WDFY4: variants seen among roughly 807,000 people sequenced by gnomAD.
The protein encoded by WDFY4 is WD repeat- and FYVE domain-containing protein 4.
WDFY4 carries 169 observed loss-of-function variants against 351.9 expected under a neutral mutation model. That is an observed-to-expected ratio of 0.48 (90% confidence interval 0.42 to 0.55). The LOEUF (loss-of-function observed/expected upper bound fraction) is 0.55. Among genes scored for constraint, WDFY4 ranks in the 20% least tolerant of loss-of-function variants. The pLI, the probability that WDFY4 is intolerant of heterozygous loss-of-function variation, is 0.00. For synonymous variants in WDFY4, 1,622 were observed against 1,574.6 expected (o/e 1.03, Z -0.71); for missense variants, 3,803 against 3,935.6 (o/e 0.97, Z 0.90).
intron 1 of WDFY4, among the ~76,000 whole-genome samples, chr10:48,703,804 T>C (rs1008106104): frequency 2.0e-5 from 3 of 152,212 alleles, no homozygotes; most frequent in African/African-American, 2.4e-5. Context: ...TTACCCTTCA[T>C]TGGGGCCGCT....
intron 24 of WDFY4, among the ~76,000 whole-genome samples, chr10:48,801,202 C>A (rs1301827038): frequency 2.0e-5 from 3 of 152,170 alleles, no homozygotes; most frequent in Admixed American, 1.3e-4. Context: ...GAATAACAAT[C>A]AAAAGATTCA....
At chr10:48,925,730 A>G (rs1161827888) in intron 47 of WDFY4, among the ~76,000 whole-genome samples, 2 of 152,144 alleles carry the variant, frequency 1.3e-5, no homozygotes, top group Non-Finnish European at 2.9e-5. Context: ...GGAGAGATGC[A>G]GAAGCAGGGG....
Position 48,731,294 on chromosome 10 carries a change from C to A in WDFY4, c.1314C>A (p.Pro438=), listed in dbSNP as rs535669602. 1 of 1,551,796 alleles carries A rather than the reference C, an allele frequency of 6.4e-7. No individual in the cohort carries two copies. The highest frequency in any genetic ancestry group is 8.7e-7 in the Non-Finnish European group (1 of 1,147,044). ...TCTCGCAGTTTGTAGAGATCATGCC[C>A]CTGAAGCCGGCCCCAGTGCAGGAAC... is the stretch of plus-strand genomic sequence containing the variant. ...QPISQFVEIM[P]LKPAPVQEHF... Residue 438 remains proline, a synonymous_variant, in exon 9 of 62, where the codon CCC becomes CCA. Coordinates refer to ENST00000325239, the MANE Select transcript of WDFY4 (RefSeq NM_001394531.1).
At chr10:48,736,422 C>T (rs1589487466) in intron 11 of WDFY4, among the ~76,000 whole-genome samples, 1 of 152,206 alleles carries the variant, frequency 6.6e-6, no homozygotes, top group Admixed American at 6.5e-5. Context: ...TATTTTCTGT[C>T]CAATTTTCTT....
At chr10:48,877,245 G>T in intron 43 of WDFY4, 46 bp downstream of exon 43, 2 of 1,516,412 alleles carry the variant, frequency 1.3e-6, no homozygotes, top group East Asian at 2.5e-5. Flanking sequence ...TAAGTTAGTT[G>T]TTAAGATTGT....
intron 43 of WDFY4, among the ~76,000 whole-genome samples, chr10:48,882,664 A>G (rs753161906): frequency 7.2e-5 from 11 of 152,188 alleles, no homozygotes; most frequent in African/African-American, 2.7e-4. Flanking sequence ...AGCGCATCAC[A>G]TAGTGAGAGA....
At chr10:48,929,946 C>T (rs1839889580) in intron 47 of WDFY4, among the ~76,000 whole-genome samples, 1 of 152,130 alleles carries the variant, frequency 6.6e-6, no homozygotes, top group African/African-American at 2.4e-5. Context: ...ACTTCTCCTC[C>T]AATAGCATCT....
At chr10:48,811,729 C>A in intron 30 of WDFY4, 21 bp downstream of exon 30, 1 of 1,548,456 alleles carries the variant, frequency 6.5e-7, no homozygotes, top group Non-Finnish European at 8.7e-7. Flanking sequence ...AGAGCACCCA[C>A]AGGGTGACAC....
At chr10:48,817,503 A>G in intron 32 of WDFY4, 94 bp downstream of exon 32, 1 of 1,380,066 alleles carries the variant, frequency 7.2e-7, no homozygotes, top group South Asian at 1.5e-5. Flanking sequence ...CCCCCCTAAA[A>G]TTAAAATACA....
At chr10:48,734,370 G>A (rs7095786) in intron 10 of WDFY4, among the ~76,000 whole-genome samples, 84,488 of 151,360 alleles carry the variant, frequency 0.56, 23,692 homozygotes, top group East Asian at 0.64. Context: ...TAGATCCAAA[G>A]AGTAACATAC....
Position 48,831,770 on chromosome 10 carries a change from C to T in WDFY4, c.6527-803C>T, listed in dbSNP as rs138088541. Among the ~76,000 whole-genome samples the T allele has an allele frequency of 2.5e-3, 381 of 152,338 alleles. 4 individuals are homozygous for T. The highest frequency in any genetic ancestry group is 3.6e-3 in the Non-Finnish European group (245 of 68,016). The stretch of plus-strand genomic sequence containing the variant: ...TGCTGAGGGCTGTGTCTGGCATCTG[C>T]TTCTAAGATGGTACCTTGTTGCTAT... On this transcript the variant is annotated intron_variant, in intron 38 of 61. Transcript: ENST00000325239.
intron 39 of WDFY4, among the ~76,000 whole-genome samples, chr10:48,851,187 A>G (rs1247290154): frequency 6.6e-6 from 1 of 152,224 alleles, no homozygotes; most frequent in Non-Finnish European, 1.5e-5. Flanking sequence ...ATCTAGGGTC[A>G]GGATGGTGTC....
intron 14 of WDFY4, among the ~76,000 whole-genome samples, chr10:48,775,419 T>A (rs1304429475): frequency 1.3e-5 from 2 of 152,230 alleles, no homozygotes. Flanking sequence ...CTGGTTATAG[T>A]GCTGCATGGG....
chr10:48,767,559 T>C (rs1354115050), intron 13 of WDFY4, among the ~76,000 whole-genome samples: 1 of 152,202 alleles, frequency 6.6e-6, no homozygotes. Context: ...TTATCAGTGA[T>C]CTAAGAGAAG....
At chr10:48,863,509 G>A (rs1218877268) in intron 39 of WDFY4, among the ~76,000 whole-genome samples, 2 of 152,096 alleles carry the variant, frequency 1.3e-5, no homozygotes, top group African/African-American at 2.4e-5. Flanking sequence ...TTGAAGAGCA[G>A]TCTTTTTGGA....
intron 13 of WDFY4, among the ~76,000 whole-genome samples, chr10:48,770,940 G>A (rs575750355): frequency 1.3e-5 from 2 of 152,350 alleles, no homozygotes; most frequent in East Asian, 1.9e-4. Context: ...GCAAAATGCA[G>A]CCTGGGAAGG....
chr10:48,887,605 C>T (rs2070515449), intron 43 of WDFY4, among the ~76,000 whole-genome samples: 1 of 152,068 alleles, frequency 6.6e-6, no homozygotes, highest in South Asian at 2.1e-4. Context: ...GGTGAAACCC[C>T]ATCTTTACTA....
At position 48,963,855 on chromosome 10, in the gene WDFY4, A is replaced by G; in HGVS notation, c.8237A>G (p.Asp2746Gly). The G allele has an allele frequency of 6.4e-7, 1 of 1,551,476 alleles. No homozygotes were observed. Among genetic ancestry groups the G allele is most frequent in the Non-Finnish European group, 8.7e-7 (1 of 1,146,984 alleles). The change falls in exon 54 of 62, where the codon GAC becomes GGC. Residue 2746 changes from aspartate to glycine, a missense_variant. Coordinates refer to ENST00000325239, the MANE Select transcript of WDFY4 (RefSeq NM_001394531.1). ...TTTTTGTTCCAGGCCCTGGAAAGTG[A>G]CTTTGTCAGTGCCAACCTCCACCAT... ...ISLHRKALES[D>G]FVSANLHHWI...
chr10:48,937,224 C>G (rs773632933), intron 47 of WDFY4, among the ~76,000 whole-genome samples: 3 of 152,210 alleles, frequency 2.0e-5, no homozygotes, highest in South Asian at 2.1e-4. Flanking sequence ...TGTACAGCCT[C>G]ATATTATGGC....
Sources: allele counts gnomAD v4.1 joint callset (sites outside exome capture counted in the v4.1 genomes callset), GRCh38; gene constraint gnomAD v4.1.1; transcripts MANE v1.5; gene names NCBI Gene and HGNC (gene_info 2026-07-23, HGNC 2026-07-21).